The following LCMT1 variants were observed in gnomAD, a reference collection of about 807,000 sequenced individuals.
LCMT1 encodes the protein [Phosphatase 2A protein]-leucine-carboxy methyltransferase 1.
In LCMT1, 32 loss-of-function variants were observed where a neutral mutation model predicts 47.7. The ratio of observed to expected loss-of-function variants is 0.67; its 90% CI spans 0.51 to 0.90. The LOEUF is 0.90. Ranked by LOEUF, LCMT1 falls within the 40% of genes least tolerant of loss-of-function variation. The pLI is 0.00. For missense variants in LCMT1, 375 were observed against 415.2 expected (o/e 0.90, Z 0.84); for synonymous variants, 152 against 149.7 (o/e 1.02, Z -0.11).
At chr16:25,125,594 G>A (rs1024103498) in intron 1 of LCMT1, among the ~76,000 whole-genome samples, 1 of 151,988 alleles carries the variant, frequency 6.6e-6, no homozygotes, top group African/African-American at 2.4e-5. Flanking sequence ...CAGCACTTTG[G>A]GAGGCTGAGG....
chr16:25,164,346 A>G (rs35293398), intron 6 of LCMT1, among the ~76,000 whole-genome samples: 284 of 152,138 alleles, frequency 1.9e-3, no homozygotes, highest in Middle Eastern at 3.4e-3. Flanking sequence ...CATTTTTACA[A>G]TCCACCACAC....
chr16:25,169,393 CCATCA>C, intron 8 of LCMT1, 180 bp downstream of exon 8: 1 of 542,946 alleles, frequency 1.8e-6, no homozygotes, highest in Non-Finnish European at 3.3e-6. Context: ...TCCTGCTTCA[CCATCA>C]CATTTCCTAC....
chr16:25,114,630 C>T (rs1959731005), intron 1 of LCMT1, among the ~76,000 whole-genome samples: 1 of 152,134 alleles, frequency 6.6e-6, no homozygotes, highest in African/African-American at 2.4e-5. Flanking sequence ...ATGTCCTCTG[C>T]AGTTACCACC....
chr16:25,142,819 G>C (rs1343847363), intron 4 of LCMT1: 1 of 152,192 alleles, frequency 6.6e-6, no homozygotes, highest in Non-Finnish European at 1.5e-5. Context: ...TGATGAATTG[G>C]CTCTCCTGAA....
intron 5 of LCMT1, 21 bp downstream of exon 5, chr16:25,151,636 A>C (rs980389313): frequency 1.2e-6 from 2 of 1,602,952 alleles, no homozygotes; most frequent in Non-Finnish European, 1.7e-6. Flanking sequence ...AGCTAATGCA[A>C]AATGGACTGT....
At chr16:25,128,686 C>T (rs1960262127) in intron 2 of LCMT1, 120 bp downstream of exon 2, 9 of 705,480 alleles carry the variant, frequency 1.3e-5, no homozygotes, top group Non-Finnish European at 1.9e-5. Flanking sequence ...TGCTTATTTC[C>T]CCAGATCTTC....
chr16:25,138,378 C>T (rs1465873345), intron 3 of LCMT1, among the ~76,000 whole-genome samples: 1 of 152,032 alleles, frequency 6.6e-6, no homozygotes, highest in Non-Finnish European at 1.5e-5. Context: ...GAGGCATCAG[C>T]AGGGCTGAAG....
chr16:25,169,506 A>T, intron 8 of LCMT1: 1 of 246,866 alleles, frequency 4.1e-6, no homozygotes, highest in Non-Finnish European at 8.0e-6. Flanking sequence ...ACCTAACTTC[A>T]GTATTTCTTA....
chr16:25,177,925 C>A, intron 10 of LCMT1, 76 bp from the exon 11 acceptor site: 2 of 1,324,364 alleles, frequency 1.5e-6, no homozygotes, highest in South Asian at 1.2e-5. Flanking sequence ...CTGAGCCGGT[C>A]ACTGGGGGTC....
chr16:25,113,879 G>C (rs143391008), intron 1 of LCMT1, among the ~76,000 whole-genome samples: 1 of 152,168 alleles, frequency 6.6e-6, no homozygotes, highest in Non-Finnish European at 1.5e-5. Flanking sequence ...CAAGTGATCC[G>C]CTCGCCTTGG....
In LCMT1 at chr16:25,111,817, C is replaced by G. The variant is rs1406593466; in HGVS notation, c.-67C>G. 3 of 1,080,382 alleles carry G rather than the reference C, an allele frequency of 2.8e-6. No homozygotes were observed. Among genetic ancestry groups the G allele is most frequent in the South Asian group, 2.7e-5 (2 of 74,624 alleles). The allele number at this position is 1,080,382 out of a possible 1,614,324, so 66.9% of individuals were successfully genotyped here. On this transcript the variant is annotated 5_prime_UTR_variant, in exon 1 of 11. Transcript: ENST00000399069. The stretch of plus-strand genomic sequence containing the variant: ...GCTTTCTCCCTGTGGCTCGCGCCGT[C>G]CCCCGCCGCCCGTCGACCCCGCTTC...
Position 25,140,185 on chromosome 16 carries a change from C to T in LCMT1, c.342C>T (p.Leu114=). ...TTTTTCCCCAGGATGAAGATCTTCT[C>T]CCAAGTAAATATTTTGAGGTTGACT... ...TFWRLKDEDL[L]PSKYFEVDFP... The change falls in exon 4 of 11, where the codon CTC becomes CTT. Residue 114 remains leucine, a synonymous_variant. Coordinates refer to ENST00000399069, the MANE Select transcript of LCMT1 (RefSeq NM_016309.3). 4.4e-6 allele frequency: 7 copies of T among 1,608,154 alleles called. No homozygotes were observed. The highest frequency in any genetic ancestry group is 5.1e-6 in the Non-Finnish European group (6 of 1,176,732).
At chr16:25,136,300 A>G (rs1960502769) in intron 3 of LCMT1, among the ~76,000 whole-genome samples, 2 of 149,102 alleles carry the variant, frequency 1.3e-5, no homozygotes, top group Admixed American at 1.3e-4. Context: ...TGGGTGCCCC[A>G]TTCCTCCTGC....
At chr16:25,130,750 A>G (rs1960327342) in intron 2 of LCMT1, among the ~76,000 whole-genome samples, 1 of 152,230 alleles carries the variant, frequency 6.6e-6, no homozygotes, top group Non-Finnish European at 1.5e-5. Context: ...CCAACAGGTA[A>G]CTTGTTCCAG....
intron 7 of LCMT1, among the ~76,000 whole-genome samples, chr16:25,165,495 GTTTC>G (rs753916744): frequency 4.0e-4 from 61 of 151,364 alleles, no homozygotes; most frequent in Admixed American, 2.3e-3. Flanking sequence ...CTCTGTGCCT[GTTTC>G]TTTCTTTCTT....
At chr16:25,120,338 T>C (rs1260783858) in intron 1 of LCMT1, among the ~76,000 whole-genome samples, 41 of 150,726 alleles carry the variant, frequency 2.7e-4, no homozygotes, top group Non-Finnish European at 5.3e-4. Flanking sequence ...ATTCTCCTTC[T>C]TCAGCCTCCC....
Position 25,160,983 on chromosome 16 carries a change from C to G in LCMT1, c.467-119C>G, listed in dbSNP as rs1438933728. On this transcript the variant is annotated intron_variant, in intron 5 of 10. Transcript: ENST00000399069. The stretch of plus-strand genomic sequence containing the variant: ...TTGGTTAATTTTTACCCTCCTCTTA[C>G]GTATTTTTTTTTTTTAACAATGATG... 3.9e-6 allele frequency: 2 copies of G among 512,672 alleles called. No homozygotes were observed. The highest frequency in any genetic ancestry group is 6.4e-6 in the Non-Finnish European group (2 of 310,884). 31.8% of individuals were successfully genotyped at this position (512,672 alleles called of 1,614,324 possible). A position where few individuals can be genotyped will look rare whatever the true frequency, so the allele number is the denominator to read the frequency against.
Position 25,170,727 on chromosome 16 carries a change from T to G in LCMT1, c.806T>G (p.Leu269Arg). The G allele has an allele frequency of 6.2e-7, 1 of 1,613,362 alleles. No individual in the cohort carries two copies. Residue 269 changes from leucine (L) to arginine (R), a missense_variant, in exon 9 of 11, where the codon CTG becomes CGG. Physicochemically the swap from Leu to Arg is moderately radical, Grantham distance 102 (BLOSUM62 -2). Transcript: ENST00000399069. ...KSLESQKERL[L>R]SNGWETASAV... ...TGCACATTTTAGAAAGAACGGCTCC[T>G]GTCGAATGGGTGGGAAACAGCATCG... is the stretch of plus-strand genomic sequence containing the variant.
chr16:25,154,733 C>T (rs930777203), intron 5 of LCMT1, among the ~76,000 whole-genome samples: 2 of 151,994 alleles, frequency 1.3e-5, no homozygotes, highest in African/African-American at 2.4e-5. Context: ...CGTGATCCAC[C>T]GGCCTCGGCC....
Sources: gnomAD v4.1 joint callset for allele counts (sites outside exome capture counted in the v4.1 genomes callset) on GRCh38, gnomAD v4.1.1 for gene constraint, MANE v1.5 for transcripts, NCBI Gene and HGNC (gene_info 2026-07-23, HGNC 2026-07-21) for gene names.